Variants in PDSS2 observed in about 807,000 individuals in gnomAD.
PDSS2 encodes all trans-polyprenyl-diphosphate synthase PDSS2.
A neutral mutation model predicts 44.5 loss-of-function variants in PDSS2; 31 were observed. That is an observed-to-expected ratio of 0.70 (90% CI 0.52 to 0.94). PDSS2 has a LOEUF of 0.94. PDSS2 is among the 40% of genes least tolerant of loss of function. The pLI is 0.00. For missense variants in PDSS2, 452 were observed against 482.2 expected, an observed-to-expected ratio of 0.94 and a Z score of 0.59; for synonymous variants, 157 against 180.3, an observed-to-expected ratio of 0.87 and a Z score of 1.03.
At chr6:107,445,134 T>C (rs1028774546) in intron 1 of PDSS2, among the ~76,000 whole-genome samples, 7 of 151,782 alleles carry the variant, frequency 4.6e-5, no homozygotes, top group African/African-American at 1.7e-4. Flanking sequence ...TAGTGATTTA[T>C]ACAGAAATTT....
intron 3 of PDSS2, among the ~76,000 whole-genome samples, chr6:107,263,007 C>T (rs1229297606): frequency 6.6e-6 from 1 of 151,878 alleles, no homozygotes; most frequent in African/African-American, 2.4e-5. Context: ...ATTAAAAAAC[C>T]AGTGCCTACC....
chr6:107,416,745 C>T (rs1405343541), intron 1 of PDSS2, among the ~76,000 whole-genome samples: 1 of 152,276 alleles, frequency 6.6e-6, no homozygotes, highest in East Asian at 1.9e-4. Context: ...GATCTAGACT[C>T]ACAAGTCCCG....
chr6:107,164,256 T>G (rs1409413224), intron 7 of PDSS2, among the ~76,000 whole-genome samples: 1 of 152,174 alleles, frequency 6.6e-6, no homozygotes, highest in Non-Finnish European at 1.5e-5. Context: ...CATGTTGGTG[T>G]GCTGCATCCA....
chr6:107,431,052 A>G (rs1423863132), intron 1 of PDSS2, among the ~76,000 whole-genome samples: 1 of 152,238 alleles, frequency 6.6e-6, no homozygotes, highest in Non-Finnish European at 1.5e-5. Context: ...TAAGCCTTTC[A>G]TTCAGTGAGC....
Position 107,161,207 on chromosome 6 carries a change from G to A in PDSS2, c.1042-6430C>T, listed in dbSNP as rs993481054. The stretch of plus-strand genomic sequence containing the variant: ...AGAAATTTGTACTTTTTGGCCGGGC[G>A]CGGTGGCTCATGCCTGTAATCCCAG... On this transcript the variant is annotated intron_variant, in intron 7 of 7. Transcript: ENST00000369037. Among the ~76,000 whole-genome samples, 13 of 151,874 alleles carry A rather than the reference G, an allele frequency of 8.6e-5. No homozygotes were observed. The East Asian group carries it at 2.2e-3, about 26-fold the overall frequency.
chr6:107,157,548 C>T (rs1280767086), intron 7 of PDSS2, among the ~76,000 whole-genome samples: 1 of 152,114 alleles, frequency 6.6e-6, no homozygotes, highest in Admixed American at 6.6e-5. Context: ...CAACAAGCTC[C>T]CCAAATTCCA....
chr6:107,333,185 C>CT (rs1277085150), intron 2 of PDSS2, among the ~76,000 whole-genome samples: 3 of 152,164 alleles, frequency 2.0e-5, no homozygotes, highest in Admixed American at 1.3e-4. Flanking sequence ...AGGAAAATTT[C>CT]TTTATCACCC....
At chr6:107,154,826 T>A in intron 7 of PDSS2, 49 bp from the exon 8 acceptor site, 2 of 1,531,190 alleles carry the variant, frequency 1.3e-6, no homozygotes, top group Non-Finnish European at 1.8e-6. Context: ...AGGTACACAG[T>A]AAGCACCACA....
chr6:107,416,389 G>A (rs188785215), intron 1 of PDSS2, among the ~76,000 whole-genome samples: 22 of 152,244 alleles, frequency 1.4e-4, no homozygotes, highest in African/African-American at 5.1e-4. Context: ...ATTACAGGCT[G>A]ATTATTCCTC....
At chr6:107,279,263 ATAG>A (rs1410888027) in intron 2 of PDSS2, among the ~76,000 whole-genome samples, 1 of 152,130 alleles carries the variant, frequency 6.6e-6, no homozygotes, top group African/African-American at 2.4e-5. Flanking sequence ...TACCTAAGGA[ATAG>A]TAGATCGTTG....
Position 107,354,440 on chromosome 6 carries a change from T to C in PDSS2, c.297-20108A>G, listed in dbSNP as rs192590665. Among the ~76,000 whole-genome samples, 8 of 152,384 alleles carry C rather than the reference T, an allele frequency of 5.2e-5. No individual in the cohort carries two copies. In the East Asian group the frequency reaches 9.6e-4, roughly 18 times the overall value. On this transcript the variant is annotated intron_variant, in intron 1 of 7. Transcript: ENST00000369037. ...TGTTTAAAAATCAGACTCCATTCCA[T>C]GTACACAGCGGCAGCTTTCAGAAAT...
chr6:107,173,588 A>C (rs1312046752), intron 7 of PDSS2, among the ~76,000 whole-genome samples: 1 of 149,972 alleles, frequency 6.7e-6, no homozygotes, highest in Admixed American at 6.6e-5. Context: ...AAAAAAAAAA[A>C]AAAAAAAAAC....
At chr6:107,233,827 T>C (rs1774136163) in intron 4 of PDSS2, among the ~76,000 whole-genome samples, 1 of 150,888 alleles carries the variant, frequency 6.6e-6, no homozygotes, top group Non-Finnish European at 1.5e-5. Flanking sequence ...TTAATAAATA[T>C]AAATGTAAAA....
At chr6:107,185,176 A>C (rs12202082) in intron 7 of PDSS2, among the ~76,000 whole-genome samples, 43,812 of 148,992 alleles carry the variant, frequency 0.29, 6,943 homozygotes, top group South Asian at 0.52. Flanking sequence ...AAGGAGAAGA[A>C]GAAGAGAAGA....
At chr6:107,378,761 G>C (rs531762149) in intron 1 of PDSS2, among the ~76,000 whole-genome samples, 13 of 152,280 alleles carry the variant, frequency 8.5e-5, no homozygotes, top group African/African-American at 3.1e-4. Context: ...ACTCCAGCCT[G>C]GGCGACAGAG....
chr6:107,163,271 A>G (rs187318848), intron 7 of PDSS2, among the ~76,000 whole-genome samples: 2 of 152,342 alleles, frequency 1.3e-5, no homozygotes, highest in East Asian at 3.9e-4. Context: ...GGAGGACATC[A>G]CAGTCCTAGA....
chr6:107,223,486 G>A (rs562865296), intron 4 of PDSS2, among the ~76,000 whole-genome samples: 10 of 151,190 alleles, frequency 6.6e-5, no homozygotes, highest in Non-Finnish European at 1.2e-4. Context: ...AGTGAGCTGA[G>A]ATCATGCCAC....
chr6:107,304,767 T>C (rs1776804244), intron 2 of PDSS2, among the ~76,000 whole-genome samples: 1 of 152,200 alleles, frequency 6.6e-6, no homozygotes, highest in South Asian at 2.1e-4. Flanking sequence ...AAAGTTGACA[T>C]ACCAACTATC....
At chr6:107,361,573 C>T (rs750168651) in intron 1 of PDSS2, among the ~76,000 whole-genome samples, 38 of 152,172 alleles carry the variant, frequency 2.5e-4, no homozygotes, top group Non-Finnish European at 3.1e-4. Flanking sequence ...AATTAAACTA[C>T]GCCCCTACCA....
Sources: allele counts gnomAD v4.1 joint callset (sites outside exome capture counted in the v4.1 genomes callset), GRCh38; gene constraint gnomAD v4.1.1; transcripts MANE v1.5; gene names NCBI Gene and HGNC (gene_info 2026-07-23, HGNC 2026-07-21).